Variants in FAT3 observed in about 807,000 individuals in gnomAD.
FAT3 encodes the protein protocadherin Fat 3.
A neutral mutation model predicts 310.2 loss-of-function variants in FAT3; 95 were observed. The ratio of observed to expected loss-of-function variants is 0.31; its 90% CI spans 0.26 to 0.36. The LOEUF (loss-of-function observed/expected upper bound fraction) is 0.36. Among genes scored for constraint, FAT3 ranks in the 10% least tolerant of loss-of-function variants. The pLI is 1.00. For synonymous variants in FAT3, 2,314 were observed against 2,192.9 expected (o/e 1.06, Z -1.54); for missense variants, 5,408 against 5,715.6 (o/e 0.95, Z 1.74).
At chr11:92,417,147 A>T (rs1036281274) in intron 2 of FAT3, among the ~76,000 whole-genome samples, 1 of 152,196 alleles carries the variant, frequency 6.6e-6, no homozygotes, top group Non-Finnish European at 1.5e-5. Flanking sequence ...GATAGTTCTT[A>T]AGAATCCATG....
chr11:92,715,064 A>T (rs923161223), intron 4 of FAT3, among the ~76,000 whole-genome samples: 1 of 152,030 alleles, frequency 6.6e-6, no homozygotes, highest in African/African-American at 2.4e-5. Flanking sequence ...CCTCCAAAAA[A>T]AAAAAGACTA....
At chr11:92,332,560 A>G (rs1453482555) in intron 1 of FAT3, among the ~76,000 whole-genome samples, 1 of 152,162 alleles carries the variant, frequency 6.6e-6, no homozygotes, top group African/African-American at 2.4e-5. Context: ...AGTGATAAGC[A>G]GAAGAGAGGG....
chr11:92,818,853 G>A (rs1010111495), intron 13 of FAT3, among the ~76,000 whole-genome samples: 5 of 152,156 alleles, frequency 3.3e-5, no homozygotes, highest in African/African-American at 7.2e-5. Flanking sequence ...GAGCTCCTGC[G>A]CATGTCCTGA....
At chr11:92,398,018 AG>A (rs1949916896) in intron 2 of FAT3, among the ~76,000 whole-genome samples, 4 of 152,094 alleles carry the variant, frequency 2.6e-5, no homozygotes. Flanking sequence ...TCTGGAGGTA[AG>A]AAGCCTAAAA....
At chr11:92,528,818 T>G (rs1034671497) in intron 3 of FAT3, among the ~76,000 whole-genome samples, 12 of 152,242 alleles carry the variant, frequency 7.9e-5, no homozygotes, top group African/African-American at 2.9e-4. Flanking sequence ...AACCCCATAG[T>G]ACAGGGCTGA....
At chr11:92,840,491 GT>G in intron 17 of FAT3, 70 bp from the exon 18 acceptor site, 1 of 1,354,460 alleles carries the variant, frequency 7.4e-7, no homozygotes, top group Non-Finnish European at 9.9e-7. Flanking sequence ...GATTTGTTTT[GT>G]TTTGTTTTAA....
intron 2 of FAT3, among the ~76,000 whole-genome samples, chr11:92,411,773 C>T (rs767571564): frequency 4.0e-5 from 6 of 150,834 alleles, no homozygotes; most frequent in Non-Finnish European, 7.4e-5. Context: ...CTAAATTCAT[C>T]GTGTCTTCTC....
intron 1 of FAT3, among the ~76,000 whole-genome samples, chr11:92,339,267 A>C (rs184006859): frequency 7.6e-4 from 115 of 152,308 alleles, no homozygotes; most frequent in Middle Eastern, 3.4e-3. Context: ...CATTGTGATA[A>C]CAAAAAATGT....
chr11:92,792,185 TACTTA>T (rs1163746202), intron 8 of FAT3, among the ~76,000 whole-genome samples: 1 of 152,208 alleles, frequency 6.6e-6, no homozygotes, highest in Non-Finnish European at 1.5e-5. Context: ...CCCGTGAGAA[TACTTA>T]GCCCTGAGCA....
intron 14 of FAT3, among the ~76,000 whole-genome samples, chr11:92,833,277 G>A (rs1948314586): frequency 6.6e-6 from 1 of 152,138 alleles, no homozygotes; most frequent in Admixed American, 6.5e-5. Flanking sequence ...GAGAACAAAG[G>A]TGAGTCTCTC....
chr11:92,494,215 G>T (rs1484046795), intron 2 of FAT3, among the ~76,000 whole-genome samples: 1 of 151,878 alleles, frequency 6.6e-6, no homozygotes, highest in Non-Finnish European at 1.5e-5. Flanking sequence ...CTGCCCCCAT[G>T]ATCCAACCAC....
chr11:92,761,026 C>A (rs1946137678), intron 4 of FAT3, among the ~76,000 whole-genome samples: 1 of 152,148 alleles, frequency 6.6e-6, no homozygotes, highest in Non-Finnish European at 1.5e-5. Flanking sequence ...AACAGTGGAA[C>A]ATATATCATA....
chr11:92,806,568 G>C, intron 12 of FAT3, 53 bp downstream of exon 12: 2 of 1,456,486 alleles, frequency 1.4e-6, no homozygotes, highest in Non-Finnish European at 9.3e-7. Context: ...CATGAGAGAA[G>C]TTAAACTTAT....
At chr11:92,405,905 G>C (rs1256754712) in intron 2 of FAT3, among the ~76,000 whole-genome samples, 3 of 152,224 alleles carry the variant, frequency 2.0e-5, no homozygotes, top group Non-Finnish European at 2.9e-5. Context: ...TTTTCAGTGA[G>C]CAGTGAAATT....
intron 14 of FAT3, among the ~76,000 whole-genome samples, chr11:92,833,839 G>A (rs555340737): frequency 1.3e-5 from 2 of 152,266 alleles, no homozygotes; most frequent in Admixed American, 6.5e-5. Context: ...TTTAAATTTA[G>A]CACTAGTTAG....
intron 1 of FAT3, among the ~76,000 whole-genome samples, chr11:92,277,421 G>A (rs1946301920): frequency 6.6e-6 from 1 of 152,030 alleles, no homozygotes; most frequent in African/African-American, 2.4e-5. Context: ...GATGTTTATT[G>A]CAGCACGATT....
intron 2 of FAT3, among the ~76,000 whole-genome samples, chr11:92,470,078 T>G (rs1951868676): frequency 6.6e-6 from 1 of 152,210 alleles, no homozygotes; most frequent in Non-Finnish European, 1.5e-5. Context: ...CCAGTGGTCA[T>G]GCCACACTGA....
intron 2 of FAT3, among the ~76,000 whole-genome samples, chr11:92,416,164 A>T (rs538725492): frequency 6.7e-6 from 1 of 149,262 alleles, no homozygotes; most frequent in Non-Finnish European, 1.5e-5. Context: ...TCACGAGGTC[A>T]GGAGTTCAAG....
chr11:92,576,245 T>G (rs1938479113), intron 3 of FAT3, among the ~76,000 whole-genome samples: 1 of 152,156 alleles, frequency 6.6e-6, no homozygotes, highest in South Asian at 2.1e-4. Flanking sequence ...ATTAGGGGCC[T>G]TCCCAAAGTT....
Sources: allele counts gnomAD v4.1 joint callset (sites outside exome capture counted in the v4.1 genomes callset), GRCh38; gene constraint gnomAD v4.1.1; transcripts MANE v1.5; gene names NCBI Gene and HGNC (gene_info 2026-07-23, HGNC 2026-07-21).